Variants in ZNF608 observed in about 807,000 individuals in gnomAD.
ZNF608 encodes renal carcinoma antigen NY-REN-36.
A neutral mutation model predicts 109.0 loss-of-function variants in ZNF608; 12 were observed. The observed-to-expected ratio is 0.11, with a 90% confidence interval of 0.07 to 0.18. The LOEUF (loss-of-function observed/expected upper bound fraction) is 0.18, where lower values mean the gene tolerates loss of function less well. Among genes scored for constraint, ZNF608 ranks in the 10% least tolerant of loss-of-function variants. The probability of loss-of-function intolerance (pLI) is 1.00; values close to 1 mark genes in which losing one functional copy is unlikely to be tolerated. For missense variants in ZNF608, 1,707 were observed against 1,879.3 expected (o/e 0.91, Z 1.70); for synonymous variants, 732 against 717.4 (o/e 1.02, Z -0.33).
Position 124,746,188 on chromosome 5 carries a change from T to C in ZNF608, c.-184+7A>G. The C allele has an allele frequency of 1.0e-6, 1 of 985,400 alleles. No homozygotes were observed. The highest frequency in any genetic ancestry group is 1.2e-6 in the Non-Finnish European group (1 of 829,930). 61.0% of individuals were successfully genotyped at this position (985,400 alleles called of 1,614,324 possible). On this transcript the variant is annotated splice_region_variant and intron_variant, in intron 1 of 9. Transcript: ENST00000513986. ...CACACACATACACACACACAGACAT[T>C]GCTTACCTTTTAATCCTTTATCATT... is the stretch of plus-strand genomic sequence containing the variant.
At chr5:124,727,672 C>T (rs1482676510) in intron 2 of ZNF608, among the ~76,000 whole-genome samples, 1 of 136,226 alleles carries the variant, frequency 7.3e-6, no homozygotes, top group East Asian at 2.1e-4. Context: ...AAAAAAAAAC[C>T]ACACACATCA....
Position 124,701,308 on chromosome 5 carries a change from C to T in ZNF608, c.907-39G>A, listed in dbSNP as rs773988427. 6.2e-6 allele frequency: 10 copies of T among 1,604,058 alleles called. No homozygotes were observed. The East Asian group carries it at 2.2e-4, about 36-fold the overall frequency. On this transcript the variant is annotated intron_variant, in intron 2 of 9. Transcript: ENST00000513986. Reference sequence around the variant, plus strand: ...AGGCTTACTGCAGTAGTGCTGCATTCCGTGAATTCCTTTTAATGCAATTTG... The same window carrying T: ...AGGCTTACTGCAGTAGTGCTGCATTTCGTGAATTCCTTTTAATGCAATTTG...
At chr5:124,658,200 C>A (rs777256443) in intron 3 of ZNF608, among the ~76,000 whole-genome samples, 9 of 152,078 alleles carry the variant, frequency 5.9e-5, no homozygotes, top group Non-Finnish European at 1.2e-4. Context: ...GCAAGTCAGA[C>A]ATTTAACTGG....
At chr5:124,738,638 A>G (rs1749249462) in intron 2 of ZNF608, among the ~76,000 whole-genome samples, 1 of 152,238 alleles carries the variant, frequency 6.6e-6, no homozygotes. Flanking sequence ...TTGAAAACAT[A>G]CACTCCAAGT....
At chr5:124,672,856 C>G (rs7724734) in intron 3 of ZNF608, among the ~76,000 whole-genome samples, 1 of 151,962 alleles carries the variant, frequency 6.6e-6, no homozygotes, top group Non-Finnish European at 1.5e-5. Flanking sequence ...GAGAAAACAA[C>G]TATGTCTCCT....
intron 3 of ZNF608, among the ~76,000 whole-genome samples, chr5:124,672,070 C>A (rs192687870): frequency 6.6e-6 from 1 of 152,304 alleles, no homozygotes; most frequent in East Asian, 1.9e-4. Flanking sequence ...AAAAGTCATT[C>A]TTTCCCTAAG....
intron 2 of ZNF608, among the ~76,000 whole-genome samples, chr5:124,733,509 A>G (rs908821238): frequency 2.0e-5 from 3 of 152,100 alleles, no homozygotes; most frequent in Admixed American, 2.0e-4. Flanking sequence ...AGCAAGATCC[A>G]CTTGAACTCC....
chr5:124,728,282 A>G (rs1384085726), intron 2 of ZNF608, among the ~76,000 whole-genome samples: 2 of 152,158 alleles, frequency 1.3e-5, no homozygotes, highest in Admixed American at 1.3e-4. Flanking sequence ...TTGGTATTGG[A>G]GGGCAAAGCT....
intron 2 of ZNF608, among the ~76,000 whole-genome samples, chr5:124,719,207 C>T (rs1421504469): frequency 6.6e-6 from 1 of 152,186 alleles, no homozygotes; most frequent in Non-Finnish European, 1.5e-5. Flanking sequence ...CTCTGACAAC[C>T]CATACATAGA....
chr5:124,638,035 C>G (rs542888576), intron 9 of ZNF608, 129 bp from the exon 10 acceptor site: 12 of 911,172 alleles, frequency 1.3e-5, no homozygotes, highest in Middle Eastern at 2.2e-4. Context: ...ACCGCAACCT[C>G]TGCCTCCTGG....
At chr5:124,731,306 G>A (rs1378745839) in intron 2 of ZNF608, among the ~76,000 whole-genome samples, 2 of 152,138 alleles carry the variant, frequency 1.3e-5, no homozygotes, top group Non-Finnish European at 2.9e-5. Context: ...TGCCTCCCGG[G>A]TTCAAGCGAT....
intron 3 of ZNF608, among the ~76,000 whole-genome samples, chr5:124,669,637 C>A (rs2149812355): frequency 7.1e-6 from 1 of 141,806 alleles, no homozygotes; most frequent in Admixed American, 7.4e-5. Context: ...ATCCATGAAT[C>A]CCTTCTCCCA....
intron 3 of ZNF608, among the ~76,000 whole-genome samples, chr5:124,658,074 T>G (rs1002889942): frequency 4.6e-5 from 7 of 152,146 alleles, no homozygotes; most frequent in South Asian, 4.2e-4. Flanking sequence ...TAGTAGTTCC[T>G]GCTAAGGTTC....
upstream of ZNF608, chr5:124,748,690 A>C (rs968692668): frequency 1.3e-5 from 8 of 621,864 alleles, no homozygotes; most frequent in Non-Finnish European, 1.6e-5. Flanking sequence ...TTTTTTATAA[A>C]AGCAAAAATT....
chr5:124,651,271 A>G (rs1213066577), intron 3 of ZNF608, among the ~76,000 whole-genome samples: 2 of 152,180 alleles, frequency 1.3e-5, no homozygotes, highest in African/African-American at 2.4e-5. Flanking sequence ...TGCACAAGAC[A>G]GAACAATTGG....
intron 2 of ZNF608, among the ~76,000 whole-genome samples, chr5:124,706,860 T>C (rs968231595): frequency 1.6e-4 from 25 of 152,276 alleles, no homozygotes; most frequent in South Asian, 6.2e-4. Flanking sequence ...CAGGTGTTAG[T>C]GCATGCTGAG....
chr5:124,684,809 T>G (rs1752336626), intron 3 of ZNF608, among the ~76,000 whole-genome samples: 1 of 152,170 alleles, frequency 6.6e-6, no homozygotes, highest in African/African-American at 2.4e-5. Flanking sequence ...TTTAATTCGG[T>G]TTTTCTCATG....
chr5:124,726,741 C>T (rs868610292), intron 2 of ZNF608, among the ~76,000 whole-genome samples: 2 of 151,430 alleles, frequency 1.3e-5, no homozygotes, highest in African/African-American at 2.4e-5. Flanking sequence ...AGCTAAAATC[C>T]AAATTCCTTA....
chr5:124,665,183 A>G (rs867831620), intron 3 of ZNF608, among the ~76,000 whole-genome samples: 5 of 138,418 alleles, frequency 3.6e-5, no homozygotes, highest in Non-Finnish European at 3.3e-5. Flanking sequence ...CTCCCCCCAA[A>G]AAAAAAAAAA....
Sources: gnomAD v4.1 joint callset for allele counts (sites outside exome capture counted in the v4.1 genomes callset) on GRCh38, gnomAD v4.1.1 for gene constraint, MANE v1.5 for transcripts, NCBI Gene and HGNC (gene_info 2026-07-23, HGNC 2026-07-21) for gene names.